Variants in FBXO42 observed in about 807,000 individuals in gnomAD.
FBXO42 encodes F-box only protein 42.
FBXO42 carries 12 observed loss-of-function variants against 71.7 expected under a neutral mutation model. The ratio of observed to expected loss-of-function variants is 0.17; its 90% CI spans 0.11 to 0.27. The LOEUF (loss-of-function observed/expected upper bound fraction) is 0.27, where lower values mean the gene tolerates loss of function less well. Ranked by LOEUF, FBXO42 falls within the 10% of genes least tolerant of loss-of-function variation. The pLI, the probability that FBXO42 is intolerant of heterozygous loss-of-function variation, is 1.00. For synonymous variants in FBXO42, 325 were observed against 327.5 expected, an observed-to-expected ratio of 0.99 and a Z score of 0.08; for missense variants, 707 against 911.9, an observed-to-expected ratio of 0.78 and a Z score of 2.89.
intron 4 of FBXO42, among the ~76,000 whole-genome samples, chr1:16,282,604 G>A (rs1263148084): frequency 1.3e-5 from 2 of 152,028 alleles, no homozygotes; most frequent in African/African-American, 4.8e-5. Context: ...TAGCAGTTTG[G>A]GAGGCCAAGG....
At chr1:16,253,880 G>A (rs1426094825) in intron 6 of FBXO42, 149 bp from the exon 7 acceptor site, 1 of 653,710 alleles carries the variant, frequency 1.5e-6, no homozygotes, top group African/African-American at 1.8e-5. Flanking sequence ...AGGTTTTAGA[G>A]ATGCCCTACT....
intron 1 of FBXO42, among the ~76,000 whole-genome samples, chr1:16,333,436 A>AC (rs71574175): frequency 0.035 from 3,551 of 101,632 alleles, 178 homozygotes; most frequent in African/African-American, 0.11. Context: ...AAATAGTGAG[A>AC]CCCCCCCCCC....
Position 16,249,990 on chromosome 1 carries a change from G to A in FBXO42, c.*680C>T, listed in dbSNP as rs1452403912. The A allele has an allele frequency of 6.6e-6, 1 of 152,154 alleles. No homozygotes were observed. Among genetic ancestry groups the A allele is most frequent in the Non-Finnish European group, 1.5e-5 (1 of 68,028 alleles). 9.4% of individuals were successfully genotyped at this position (152,154 alleles called of 1,614,324 possible). On this transcript the variant is annotated 3_prime_UTR_variant, in exon 10 of 10. Transcript: ENST00000375592. ...TGAGACACACAAGAAGCACTCCAAA[G>A]ACCAATGGACACTACTAGGCGGTCA...
chr1:16,306,940 T>C (rs984484592), intron 2 of FBXO42, among the ~76,000 whole-genome samples: 3 of 152,172 alleles, frequency 2.0e-5, no homozygotes, highest in Non-Finnish European at 4.4e-5. Context: ...TCTCGCTCTG[T>C]TGCCTAGGCT....
At chr1:16,257,515 A>C (rs1035951456) in intron 4 of FBXO42, among the ~76,000 whole-genome samples, 1 of 152,200 alleles carries the variant, frequency 6.6e-6, no homozygotes, top group African/African-American at 2.4e-5. Context: ...TATGCTGGAA[A>C]ACTTTAGAGA....
chr1:16,253,044 T>A (rs1204047003), intron 8 of FBXO42, 52 bp downstream of exon 8: 1 of 1,522,660 alleles, frequency 6.6e-7, no homozygotes, highest in Non-Finnish European at 9.0e-7. Flanking sequence ...GGGAAACAGG[T>A]TTTGAACACT....
At chr1:16,272,219 C>G (rs375540368) in intron 4 of FBXO42, among the ~76,000 whole-genome samples, 2 of 150,372 alleles carry the variant, frequency 1.3e-5, no homozygotes, top group South Asian at 4.2e-4. Flanking sequence ...AGCATGAAGT[C>G]TGGCCAGATG....
At chr1:16,314,647 C>T (rs375250571) in intron 2 of FBXO42, among the ~76,000 whole-genome samples, 72 of 152,268 alleles carry the variant, frequency 4.7e-4, no homozygotes, top group African/African-American at 1.3e-3. Flanking sequence ...CCATTTGGGA[C>T]GCTGAGGCGG....
intron 1 of FBXO42, among the ~76,000 whole-genome samples, chr1:16,333,039 C>A (rs1167930077): frequency 2.0e-5 from 3 of 152,108 alleles, no homozygotes; most frequent in Non-Finnish European, 4.4e-5. Context: ...TCCCCTCTTG[C>A]AGAAATACCG....
At chr1:16,295,678 C>T (rs2082122780) in intron 3 of FBXO42, among the ~76,000 whole-genome samples, 1 of 152,148 alleles carries the variant, frequency 6.6e-6, no homozygotes, top group African/African-American at 2.4e-5. Flanking sequence ...CAGGCATGAG[C>T]CACCATGCCC....
intron 4 of FBXO42, among the ~76,000 whole-genome samples, chr1:16,285,313 G>A (rs926198068): frequency 6.6e-6 from 1 of 151,702 alleles, no homozygotes; most frequent in Non-Finnish European, 1.5e-5. Flanking sequence ...ATGCTCTGTT[G>A]CCCAGGCTGG....
At chr1:16,303,907 G>T (rs1271280746) in intron 3 of FBXO42, among the ~76,000 whole-genome samples, 5 of 151,768 alleles carry the variant, frequency 3.3e-5, no homozygotes, top group African/African-American at 1.2e-4. Flanking sequence ...CACCATGCCC[G>T]GGTAATTTTT....
chr1:16,349,311 G>GGAA (rs1377792646), intron 1 of FBXO42, among the ~76,000 whole-genome samples: 1 of 152,204 alleles, frequency 6.6e-6, no homozygotes, highest in East Asian at 1.9e-4. Flanking sequence ...GCACTTAACG[G>GGAA]GTTTCCTTGT....
intron 1 of FBXO42, among the ~76,000 whole-genome samples, chr1:16,321,382 C>T (rs937625653): frequency 6.6e-6 from 1 of 152,154 alleles, no homozygotes; most frequent in Non-Finnish European, 1.5e-5. Flanking sequence ...GATATAGAGG[C>T]ATTTTGAAAC....
At chr1:16,283,696 T>A (rs2081990787) in intron 4 of FBXO42, among the ~76,000 whole-genome samples, 1 of 151,894 alleles carries the variant, frequency 6.6e-6, no homozygotes. Flanking sequence ...GGGATTTCAC[T>A]ATCTTGACCA....
chr1:16,326,956 C>T (rs1226557436), intron 1 of FBXO42, among the ~76,000 whole-genome samples: 1 of 152,152 alleles, frequency 6.6e-6, no homozygotes, highest in African/African-American at 2.4e-5. Flanking sequence ...CAAAAGGTGT[C>T]AACCAGGAAG....
chr1:16,266,391 C>T lies in FBXO42; in HGVS notation c.503-9632G>A, dbSNP rs114857443. On this transcript the variant is annotated intron_variant, in intron 4 of 9. Transcript: ENST00000375592. ...TCCCCAGCTACTCAGGAGACTGAGG[C>T]GGGAGGATGGCTTAACCTCCTGCCT... 4.0e-3 allele frequency among the ~76,000 whole-genome samples: 606 copies of T among 152,202 alleles called. 5 individuals are homozygous for T. Among genetic ancestry groups the T allele is most frequent in the African/African-American group, 0.014 (568 of 41,516 alleles).
intron 4 of FBXO42, among the ~76,000 whole-genome samples, chr1:16,290,295 C>T (rs935108126): frequency 2.0e-5 from 3 of 152,170 alleles, no homozygotes; most frequent in African/African-American, 7.2e-5. Flanking sequence ...TATGGTGAAG[C>T]CCTAACGCCA....
At chr1:16,303,639 C>T (rs899630336) in intron 3 of FBXO42, among the ~76,000 whole-genome samples, 3 of 151,802 alleles carry the variant, frequency 2.0e-5, no homozygotes, top group African/African-American at 4.8e-5. Context: ...ATGATCTCGA[C>T]TCACTGCAAC....
Sources: allele counts gnomAD v4.1 joint callset (sites outside exome capture counted in the v4.1 genomes callset), GRCh38; gene constraint gnomAD v4.1.1; transcripts MANE v1.5; gene names NCBI Gene and HGNC (gene_info 2026-07-23, HGNC 2026-07-21).